CEP126: variants seen among roughly 807,000 people sequenced by gnomAD.
The protein encoded by CEP126 is centrosomal protein of 126 kDa.
CEP126 carries 74 observed loss-of-function variants against 107.8 expected under a neutral mutation model. The ratio of observed to expected loss-of-function variants is 0.69; its 90% CI spans 0.57 to 0.83. CEP126 has a LOEUF of 0.83. Ranked by LOEUF, CEP126 falls within the 40% of genes least tolerant of loss-of-function variation. The probability of loss-of-function intolerance (pLI) is 0.00; values close to 1 mark genes in which losing one functional copy is unlikely to be tolerated. For missense variants in CEP126, 1,237 were observed against 1,281.9 expected (o/e 0.96, Z 0.53); for synonymous variants, 449 against 446.0 (o/e 1.01, Z -0.08).
At chr11:101,942,880 T>C (rs987910465) in intron 2 of CEP126, among the ~76,000 whole-genome samples, 1 of 152,038 alleles carries the variant, frequency 6.6e-6, no homozygotes, top group Non-Finnish European at 1.5e-5. Context: ...TATTGTAAAC[T>C]GAGATTGTTT....
rs183354122 is a variant in CEP126, at chr11:101,966,202, C to T, written c.2845+2322C>T. 2.9e-4 allele frequency among the ~76,000 whole-genome samples: 44 copies of T among 152,144 alleles called. No homozygotes were observed. The East Asian group carries it at 4.6e-3, about 16-fold the overall frequency. ...TAAATATCTATACCTATTAATACAG[C>T]GATTATACTTAGAAAATATAACAGT... On this transcript the variant is annotated intron_variant, in intron 6 of 10. Transcript: ENST00000263468.
At chr11:101,920,186 G>C (rs1374862142) in intron 1 of CEP126, among the ~76,000 whole-genome samples, 4 of 151,996 alleles carry the variant, frequency 2.6e-5, no homozygotes, top group African/African-American at 9.7e-5. Context: ...CAACACAAAA[G>C]AAAACAAATA....
At chr11:101,967,263 C>T (rs1404706117) in intron 6 of CEP126, among the ~76,000 whole-genome samples, 2 of 152,006 alleles carry the variant, frequency 1.3e-5, no homozygotes, top group Non-Finnish European at 2.9e-5. Flanking sequence ...GCCATCTTCC[C>T]ACTCAGTCTC....
intron 5 of CEP126, among the ~76,000 whole-genome samples, chr11:101,958,934 T>C (rs1940935877): frequency 6.6e-6 from 1 of 152,120 alleles, no homozygotes; most frequent in Non-Finnish European, 1.5e-5. Context: ...CTTCCTACCA[T>C]AAACAACTAT....
intron 4 of CEP126, among the ~76,000 whole-genome samples, chr11:101,952,582 A>G (rs1940826855): frequency 1.3e-5 from 2 of 152,184 alleles, no homozygotes; most frequent in Non-Finnish European, 2.9e-5. Context: ...CATTTATCAA[A>G]ATGAGGACTA....
chr11:101,981,826 C>T (rs1941258524), intron 7 of CEP126, 63 bp from the exon 8 acceptor site: 1 of 972,772 alleles, frequency 1.0e-6, no homozygotes, highest in African/African-American at 1.7e-5. Flanking sequence ...TTTAAAAGTT[C>T]ATGTACATAT....
chr11:101,929,635 C>T (rs1591270373), intron 2 of CEP126, among the ~76,000 whole-genome samples: 1 of 152,180 alleles, frequency 6.6e-6, no homozygotes, highest in South Asian at 2.1e-4. Flanking sequence ...TAGGGCACTT[C>T]GTCCTGCTGG....
intron 6 of CEP126, among the ~76,000 whole-genome samples, chr11:101,977,570 G>T (rs578148016): frequency 2.7e-5 from 4 of 147,756 alleles, no homozygotes; most frequent in African/African-American, 1.0e-4. Context: ...GGCAGAGGTT[G>T]CAGTGAGCCG....
chr11:101,959,470 G>T (rs1940945523), intron 5 of CEP126, among the ~76,000 whole-genome samples: 1 of 152,046 alleles, frequency 6.6e-6, no homozygotes, highest in Admixed American at 6.6e-5. Flanking sequence ...TCTTAAAGAA[G>T]ACTATGAAAT....
intron 3 of CEP126, 85 bp downstream of exon 3, chr11:101,944,495 A>G (rs1940710216): frequency 7.7e-7 from 1 of 1,306,568 alleles, no homozygotes; most frequent in Admixed American, 2.9e-5. Context: ...AAATGAAGAA[A>G]TGAAGTGGAA....
intron 1 of CEP126, among the ~76,000 whole-genome samples, chr11:101,918,113 A>C (rs932017879): frequency 1.3e-5 from 2 of 151,918 alleles, no homozygotes; most frequent in Admixed American, 6.6e-5. Context: ...TTTTCCCCCC[A>C]GGCTCACTGA....
chr11:101,971,275 T>G (rs1347313492), intron 6 of CEP126, among the ~76,000 whole-genome samples: 1 of 152,088 alleles, frequency 6.6e-6, no homozygotes, highest in East Asian at 1.9e-4. Context: ...TGCCCAGCCT[T>G]ACTTTGTTTT....
chr11:101,927,288 C>T (rs1940427460), intron 2 of CEP126, among the ~76,000 whole-genome samples: 1 of 152,034 alleles, frequency 6.6e-6, no homozygotes, highest in South Asian at 2.1e-4. Flanking sequence ...GGTGACAGAG[C>T]GAGTCTCCAT....
chr11:101,933,810 C>T (rs1042739744), intron 2 of CEP126, among the ~76,000 whole-genome samples: 2 of 146,180 alleles, frequency 1.4e-5, no homozygotes, highest in Non-Finnish European at 1.5e-5. Context: ...CTTTCACCCC[C>T]GAGACCCCCC....
chr11:101,964,439 G>T lies in CEP126; in HGVS notation c.2845+559G>T, dbSNP rs143650071. Among the ~76,000 whole-genome samples the T allele has an allele frequency of 3.8e-3, 582 of 151,670 alleles. 5 individuals carry two copies. The highest frequency in any genetic ancestry group is 0.014 in the African/African-American group (559 of 41,290). On this transcript the variant is annotated intron_variant, in intron 6 of 10. Coordinates refer to ENST00000263468, the MANE Select transcript of CEP126 (RefSeq NM_020802.4). ...ACTTGAAGTTGGAAGTTCGAGACCAGCCTGGCCAACGTGACGAAACCCTGT... is the reference window on the plus strand; with the variant it reads ...ACTTGAAGTTGGAAGTTCGAGACCATCCTGGCCAACGTGACGAAACCCTGT...
In CEP126 at chr11:101,938,172, A is replaced by AAAACAAAAAAC. The variant is rs1158786449; in HGVS notation, c.249-6090_249-6089insCAAAAAACAAA. Among the ~76,000 whole-genome samples the AAAACAAAAAAC allele has an allele frequency of 4.5e-4, 64 of 143,194 alleles. 4 individuals are homozygous for AAAACAAAAAAC. Among genetic ancestry groups the AAAACAAAAAAC allele is most frequent in the African/African-American group, 1.4e-3 (53 of 37,956 alleles). 93.9% of individuals were successfully genotyped at this position (143,194 alleles called of 152,430 possible). A position where few individuals can be genotyped will look rare whatever the true frequency, so the allele number is the denominator to read the frequency against. ...GAGACTCTGTCTCAAAAAAAAAAAAAAAAATACAAGAAATTGGTCCATTTT... is the reference window on the plus strand; with the variant it reads ...GAGACTCTGTCTCAAAAAAAAAAAAAAAACAAAAAACAAAATACAAGAAATTGGTCCATTTT... On this transcript the variant is annotated intron_variant, in intron 2 of 10. Coordinates refer to ENST00000263468, the MANE Select transcript of CEP126 (RefSeq NM_020802.4).
chr11:101,928,025 G>C (rs200482067), intron 2 of CEP126, among the ~76,000 whole-genome samples: 2 of 152,142 alleles, frequency 1.3e-5, no homozygotes, highest in African/African-American at 4.8e-5. Flanking sequence ...ATCCTCACTA[G>C]CATTTGGTAT....
Position 101,955,859 on chromosome 11 carries a change from C to T in CEP126, c.507-2309C>T, listed in dbSNP as rs185261061. The T allele has an allele frequency of 1.1e-4, 52 of 456,344 alleles. 1 individual carries two copies. The highest frequency in any genetic ancestry group is 1.8e-4 in the Non-Finnish European group (41 of 226,880). The allele number at this position is 456,344 out of a possible 1,614,324, so 28.3% of individuals were successfully genotyped here. A position where few individuals can be genotyped will look rare whatever the true frequency, so the allele number is the denominator to read the frequency against. On this transcript the variant is annotated intron_variant, in intron 4 of 10. Coordinates refer to ENST00000263468, the MANE Select transcript of CEP126 (RefSeq NM_020802.4). ...CTTACCTGATCAACTGTCTCCTCCA[C>T]GGGTCCCATTGCGGTCCCACCACTT...
At chr11:101,981,030 A>G (rs1941248929) in intron 7 of CEP126, among the ~76,000 whole-genome samples, 1 of 152,218 alleles carries the variant, frequency 6.6e-6, no homozygotes, top group African/African-American at 2.4e-5. Context: ...GAGGTAGACC[A>G]TATTCAGGGA....
Sources: gnomAD v4.1 joint callset for allele counts (sites outside exome capture counted in the v4.1 genomes callset) on GRCh38, gnomAD v4.1.1 for gene constraint, MANE v1.5 for transcripts, NCBI Gene and HGNC (gene_info 2026-07-23, HGNC 2026-07-21) for gene names.